AKR1C8: variants seen among roughly 807,000 people sequenced by gnomAD.
AKR1C8 encodes aldo-keto reductase family 1 member C-like protein 1.
chr10:5,120,069 T>G, the AKR1C8 span, among the ~76,000 whole-genome samples: 1 of 152,168 alleles, frequency 6.6e-6, no homozygotes, highest in Non-Finnish European at 1.5e-5. Flanking sequence ...ACCGGAATGA[T>G]GGCAAGGAAC....
At chr10:5,162,813 T>C in the AKR1C8 span, 1 of 484,584 alleles carries the variant, frequency 2.1e-6, no homozygotes, top group Non-Finnish European at 4.3e-6. Flanking sequence ...ATATCTGAAC[T>C]TATAGTGGCC....
At chr10:5,153,517 C>T in the AKR1C8 span, among the ~76,000 whole-genome samples, 118 of 152,218 alleles carry the variant, frequency 7.8e-4, 1 homozygote, top group African/African-American at 2.8e-3. Context: ...ATACCTAAGA[C>T]TGGGTAACTT....
chr10:5,180,029 G>T, the AKR1C8 span, among the ~76,000 whole-genome samples: 1 of 152,166 alleles, frequency 6.6e-6, no homozygotes, highest in Non-Finnish European at 1.5e-5. Flanking sequence ...AACTGCGTTC[G>T]TTTGGAGGAG....
At chr10:5,175,337 G>A in the AKR1C8 span, among the ~76,000 whole-genome samples, 2 of 151,942 alleles carry the variant, frequency 1.3e-5, no homozygotes, top group Non-Finnish European at 2.9e-5. Context: ...AGTATTCCAT[G>A]GTGTATATGT....
At chr10:5,182,996 A>G in the AKR1C8 span, among the ~76,000 whole-genome samples, 1 of 152,172 alleles carries the variant, frequency 6.6e-6, no homozygotes, top group Non-Finnish European at 1.5e-5. Context: ...ACAACTCAGT[A>G]CTATCCTATC....
the AKR1C8 span, among the ~76,000 whole-genome samples, chr10:5,129,598 A>G: frequency 1.3e-5 from 2 of 152,094 alleles, no homozygotes; most frequent in African/African-American, 4.8e-5. Context: ...ATTACAAATG[A>G]TATCACAGAA....
the AKR1C8 span, among the ~76,000 whole-genome samples, chr10:5,149,114 G>GA: frequency 2.0e-5 from 3 of 151,924 alleles, no homozygotes; most frequent in Non-Finnish European, 2.9e-5. Context: ...GAAAGTAGTA[G>GA]AAAAAAATGA....
chr10:5,134,945 C>T, the AKR1C8 span, among the ~76,000 whole-genome samples: 17 of 152,128 alleles, frequency 1.1e-4, no homozygotes, highest in Non-Finnish European at 2.4e-4. Flanking sequence ...AAGCAGTACA[C>T]GACCATATGA....
At chr10:5,117,458 A>C in the AKR1C8 span, among the ~76,000 whole-genome samples, 5 of 152,174 alleles carry the variant, frequency 3.3e-5, no homozygotes, top group South Asian at 2.1e-4. Context: ...ATTGTCTCCA[A>C]TTTGGAAAAC....
the AKR1C8 span, among the ~76,000 whole-genome samples, chr10:5,151,499 C>T: frequency 1.3e-5 from 2 of 151,350 alleles, no homozygotes; most frequent in African/African-American, 2.4e-5. Context: ...CCTTCTCTTT[C>T]ACTGCAATAA....
At chr10:5,163,060 C>G in the AKR1C8 span, 1 of 482,956 alleles carries the variant, frequency 2.1e-6, no homozygotes, top group South Asian at 1.5e-5. Context: ...CTGCCCAACT[C>G]AAAGAAAATC....
At chr10:5,169,775 T>TA in the AKR1C8 span, among the ~76,000 whole-genome samples, 5 of 152,088 alleles carry the variant, frequency 3.3e-5, no homozygotes, top group South Asian at 4.2e-4. Flanking sequence ...TAATTTCCAT[T>TA]AAAAAAAGTT....
At chr10:5,121,039 GT>G in the AKR1C8 span, among the ~76,000 whole-genome samples, 2,456 of 151,268 alleles carry the variant, frequency 0.016, 56 homozygotes, top group African/African-American at 0.052. Context: ...AACAATCCAG[GT>G]TTTTTTTTAA....
chr10:5,127,615 A>T, the AKR1C8 span, among the ~76,000 whole-genome samples: 1 of 151,456 alleles, frequency 6.6e-6, no homozygotes, highest in Non-Finnish European at 1.5e-5. Context: ...GCTACTCAGG[A>T]GCCTGAGTCA....
chr10:5,166,807 G>A, the AKR1C8 span, among the ~76,000 whole-genome samples: 1 of 152,046 alleles, frequency 6.6e-6, no homozygotes, highest in Non-Finnish European at 1.5e-5. Flanking sequence ...TTAAACTCAA[G>A]AGCTTCTGCA....
chr10:5,167,609 G>A, the AKR1C8 span, among the ~76,000 whole-genome samples: 2 of 152,170 alleles, frequency 1.3e-5, no homozygotes, highest in African/African-American at 4.8e-5. Flanking sequence ...ACAGGAAGGG[G>A]AACAACACAC....
At chr10:5,169,797 C>CTTTAAATT in the AKR1C8 span, among the ~76,000 whole-genome samples, 8 of 151,832 alleles carry the variant, frequency 5.3e-5, no homozygotes, top group Admixed American at 3.9e-4. Context: ...TAATATTTAG[C>CTTTAAATT]TTAAAAGGAG....
chr10:5,132,771 C>T, the AKR1C8 span: 10 of 1,310,538 alleles, frequency 7.6e-6, no homozygotes, highest in East Asian at 4.9e-5. Flanking sequence ...CCTAGGAACC[C>T]GGAGGAGTAA....
the AKR1C8 span, among the ~76,000 whole-genome samples, chr10:5,143,620 TTA>T: frequency 1.3e-5 from 2 of 151,516 alleles, no homozygotes; most frequent in African/African-American, 2.4e-5. Flanking sequence ...TTTTATACAT[TTA>T]TATATGAGAT....
Sources: allele counts gnomAD v4.1 joint callset (sites outside exome capture counted in the v4.1 genomes callset), GRCh38; gene constraint gnomAD v4.1.1; transcripts MANE v1.5; gene names NCBI Gene and HGNC (gene_info 2026-07-23, HGNC 2026-07-21).